SCAMP4: variants seen among roughly 807,000 people sequenced by gnomAD.
The protein encoded by SCAMP4 is secretory carrier membrane protein 4.
Under a neutral mutation model 32.1 loss-of-function variants are expected in SCAMP4, and 19 were observed. The ratio of observed to expected loss-of-function variants is 0.59; its 90% CI spans 0.41 to 0.87. The LOEUF (loss-of-function observed/expected upper bound fraction) is 0.87, where lower values mean the gene tolerates loss of function less well. Ranked by LOEUF, SCAMP4 falls within the 40% of genes least tolerant of loss-of-function variation. The probability of loss-of-function intolerance (pLI) is 0.00; values close to 1 mark genes in which losing one functional copy is unlikely to be tolerated. For synonymous variants in SCAMP4, 152 were observed against 132.7 expected, an observed-to-expected ratio of 1.15 and a Z score of -1.00; for missense variants, 302 against 309.0, an observed-to-expected ratio of 0.98 and a Z score of 0.17.
intron 4 of SCAMP4, 24 bp from the exon 5 acceptor site, chr19:1,918,865 G>T (rs934537297): frequency 2.5e-5 from 39 of 1,584,526 alleles, no homozygotes; most frequent in Non-Finnish European, 3.2e-5. Context: ...TGTGGTAACC[G>T]TCGTGTTTTC....
At chr19:1,920,943 C>T in intron 5 of SCAMP4, 1 of 985,398 alleles carries the variant, frequency 1.0e-6, no homozygotes, top group Non-Finnish European at 1.2e-6. Context: ...CTCATTGGAG[C>T]CTGGGTCATC....
intron 1 of SCAMP4, chr19:1,912,704 C>T (rs1332086110): frequency 2.7e-6 from 4 of 1,501,966 alleles, no homozygotes; most frequent in South Asian, 2.5e-5. Context: ...TGGACCCGGC[C>T]TCGGACCGCG....
At chr19:1,918,562 G>T in intron 4 of SCAMP4, 1 of 508,064 alleles carries the variant, frequency 2.0e-6, no homozygotes, top group Non-Finnish European at 3.4e-6. Flanking sequence ...AGGAGTTCAA[G>T]ACCAGCCTGG....
Position 1,924,707 on chromosome 19 carries a change from C to T in SCAMP4, c.*423C>T, listed in dbSNP as rs1375462607. 2.9e-5 allele frequency: 6 copies of T among 205,586 alleles called. 1 individual carries two copies. Among genetic ancestry groups the T allele is most frequent in the South Asian group, 2.7e-4 (3 of 11,300 alleles). The allele number at this position is 205,586 out of a possible 1,614,324, so 12.7% of individuals were successfully genotyped here. ...GGTCTGATGGGGAGCTCCGTCTCAC[C>T]GGCCACCCGCCGTCACCATGGCAGA... On this transcript the variant is annotated 3_prime_UTR_variant, in exon 7 of 7. Coordinates refer to ENST00000316097, the MANE Select transcript of SCAMP4 (RefSeq NM_079834.4).
chr19:1,920,912 G>T, intron 5 of SCAMP4: 1 of 985,386 alleles, frequency 1.0e-6, no homozygotes. Context: ...GTGCACGTGC[G>T]GCAGCAGCGA....
chr19:1,920,360 G>C (rs1392128977), intron 5 of SCAMP4: 7 of 941,878 alleles, frequency 7.4e-6, no homozygotes, highest in Non-Finnish European at 8.9e-6. Flanking sequence ...GCACAGATCA[G>C]AATCCAGATA....
At chr19:1,911,966 G>C in intron 1 of SCAMP4, 1 of 1,403,406 alleles carries the variant, frequency 7.1e-7, no homozygotes, top group Non-Finnish European at 9.2e-7. Context: ...CTCAGCTTTG[G>C]TGGCAGCACG....
In SCAMP4 at chr19:1,919,134, GCAGCGCCCGCGTCCTCGC is replaced by G. The variant is rs1001351709; in HGVS notation, c.395+167_395+184del. 1,150 of 1,467,462 alleles carry G rather than the reference GCAGCGCCCGCGTCCTCGC, an allele frequency of 7.8e-4. 5 individuals are homozygous for G. In the African/African-American group the frequency reaches 8.1e-3, roughly 10 times the overall value. The allele number at this position is 1,467,462 out of a possible 1,614,324, so 90.9% of individuals were successfully genotyped here. On this transcript the variant is annotated intron_variant, in intron 5 of 6. Coordinates refer to ENST00000316097, the MANE Select transcript of SCAMP4 (RefSeq NM_079834.4). ...TAGGGAGGGGTCTGAGCTCACCCTG[GCAGCGCCCGCGTCCTCGC>G]CAGCGCCCGCGTCCTCGCCAGCACC...
rs1206089548 is a variant in SCAMP4 at position 1,908,390 on chromosome 19, G to A, written c.-42+2951G>A. 2.7e-5 allele frequency: 11 copies of A among 412,778 alleles called. No individual in the cohort carries two copies. Among genetic ancestry groups the A allele is most frequent in the East Asian group, 7.3e-5 (1 of 13,624 alleles). 25.6% of individuals were successfully genotyped at this position (412,778 alleles called of 1,614,324 possible). On this transcript the variant is annotated intron_variant, in intron 1 of 6. Coordinates refer to ENST00000316097, the MANE Select transcript of SCAMP4 (RefSeq NM_079834.4). The surrounding 1 kb of genome is among the most constrained non-coding windows in gnomAD (Gnocchi z 4.2). ...GCTGCTGGTCCCCCATCTGTGGGGC[G>A]CCCCGGCGGCTGAGGCGTGGACCAG...
chr19:1,908,374 C>G lies in SCAMP4; in HGVS notation c.-42+2935C>G, dbSNP rs891496509. The stretch of plus-strand genomic sequence containing the variant: ...GCCTGGAGTTCCACTGGCTGCTGGT[C>G]CCCCATCTGTGGGGCGCCCCGGCGG... On this transcript the variant is annotated intron_variant, in intron 1 of 6. Transcript: ENST00000316097. This position sits in a 1 kb window ranked among gnomAD's most constrained non-coding sequence, Gnocchi z 4.2. 7.5e-6 allele frequency: 3 copies of G among 400,158 alleles called. No individual in the cohort carries two copies. The highest frequency in any genetic ancestry group is 1.5e-5 in the Non-Finnish European group (3 of 194,214). The allele number at this position is 400,158 out of a possible 1,614,324, so 24.8% of individuals were successfully genotyped here. A position where few individuals can be genotyped will look rare whatever the true frequency, so the allele number is the denominator to read the frequency against.
At position 1,913,053 on chromosome 19, in the gene SCAMP4, C is replaced by G. The variant is rs745606082; in HGVS notation, c.-41-1926C>G. 3 of 1,603,320 alleles carry G rather than the reference C, an allele frequency of 1.9e-6. No individual in the cohort carries two copies. Among genetic ancestry groups the G allele is most frequent in the Middle Eastern group, 1.7e-4 (1 of 6,052 alleles). On this transcript the variant is annotated intron_variant, in intron 1 of 6. Coordinates refer to ENST00000316097, the MANE Select transcript of SCAMP4 (RefSeq NM_079834.4). Reference sequence around the variant, plus strand: ...CTCGCCCGACGGCGCCCTGGGCACCCGCTTCCGCATCCACGCACGGCCCGA... The same window carrying G: ...CTCGCCCGACGGCGCCCTGGGCACCGGCTTCCGCATCCACGCACGGCCCGA...
At chr19:1,912,819 G>A (rs748606302) in intron 1 of SCAMP4, 11 of 1,588,454 alleles carry the variant, frequency 6.9e-6, no homozygotes, top group South Asian at 1.1e-5. Context: ...CGGCACCTAC[G>A]ACTTCAGACC....
Position 1,923,111 on chromosome 19 carries a change from G to T in SCAMP4, c.437G>T (p.Gly146Val), listed in dbSNP as rs1370330657. The change falls in exon 6 of 7, where the codon GGC (glycine) becomes GTC (valine). Residue 146 changes from glycine to valine, a missense_variant. Transcript: ENST00000316097. ...ATTGGATTCTTCCAGTACAGCCCGGGCGCTGCCGTGGTCATGCTGCTTCCA... is the reference window on the plus strand; with the variant it reads ...ATTGGATTCTTCCAGTACAGCCCGGTCGCTGCCGTGGTCATGCTGCTTCCA... ...SAIGFFQYSP[G>V]AAVVMLLPAI... 6.4e-7 allele frequency: 1 copy of T among 1,552,816 alleles called. No homozygotes were observed. The highest frequency in any genetic ancestry group is 1.2e-5 in the South Asian group (1 of 83,976).
chr19:1,922,807 G>A, intron 5 of SCAMP4: 1 of 1,166,824 alleles, frequency 8.6e-7, no homozygotes, highest in Non-Finnish European at 1.1e-6. Flanking sequence ...AAGGGATAAG[G>A]TTGTGTTCAC....
rs768243159 is a variant in SCAMP4, at chr19:1,917,855, G to A, written c.136+33G>A. On this transcript the variant is annotated intron_variant, in intron 3 of 6. Coordinates refer to ENST00000316097, the MANE Select transcript of SCAMP4 (RefSeq NM_079834.4). ...CGCCTGGGGGCAGGAGGCGGGAAGC[G>A]GGAGGCAGGGCTCCCCGAGGGAGGG... 2.4e-5 allele frequency: 38 copies of A among 1,611,688 alleles called. 1 individual carries two copies. The highest frequency in any genetic ancestry group is 1.8e-4 in the Middle Eastern group (1 of 5,520).
chr19:1,919,244 C>T (rs540065684), intron 5 of SCAMP4: 35 of 1,345,086 alleles, frequency 2.6e-5, no homozygotes, highest in Middle Eastern at 2.9e-4. Context: ...GCAGTGCCTG[C>T]GTCCTCGCCA....
At chr19:1,916,984 T>C (rs1368742685) in intron 2 of SCAMP4, among the ~76,000 whole-genome samples, 2 of 152,178 alleles carry the variant, frequency 1.3e-5, no homozygotes, top group Non-Finnish European at 2.9e-5. Flanking sequence ...GGGCCCTGCA[T>C]GAAGGGTGAC....
chr19:1,906,721 C>T (rs955390833), intron 1 of SCAMP4: 2 of 151,748 alleles, frequency 1.3e-5, no homozygotes, highest in Non-Finnish European at 2.9e-5. Context: ...GTGGTGGACG[C>T]CTGTGGTCCC....
chr19:1,906,409 CAT>C (rs564534242), intron 1 of SCAMP4: 15 of 151,654 alleles, frequency 9.9e-5, no homozygotes, highest in East Asian at 5.8e-4. Flanking sequence ...CATGGTGACA[CAT>C]GTCTGTGGTC....
Sources: gnomAD v4.1 joint callset for allele counts (sites outside exome capture counted in the v4.1 genomes callset) on GRCh38, gnomAD v4.1.1 for gene constraint, Gnocchi (gnomAD v3.1) non-coding constraint, MANE v1.5 for transcripts, NCBI Gene and HGNC (gene_info 2026-07-23, HGNC 2026-07-21) for gene names.